Variants in KIAA0232 observed in about 807,000 individuals in gnomAD.
KIAA0232 encodes the protein uncharacterized protein KIAA0232.
Under a neutral mutation model 122.0 loss-of-function variants are expected in KIAA0232, and 27 were observed. That is an observed-to-expected ratio of 0.22 (90% CI 0.16 to 0.31). KIAA0232 has a LOEUF of 0.31. Ranked by LOEUF, KIAA0232 falls within the 10% of genes least tolerant of loss-of-function variation. The probability of loss-of-function intolerance (pLI) is 1.00; values close to 1 mark genes in which losing one functional copy is unlikely to be tolerated. For synonymous variants in KIAA0232, 613 were observed against 587.6 expected (o/e 1.04, Z -0.63); for missense variants, 1,551 against 1,634.2 (o/e 0.95, Z 0.88).
chr4:6,818,709 G>GAA (rs113046859), intron 2 of KIAA0232, among the ~76,000 whole-genome samples: 6 of 137,232 alleles, frequency 4.4e-5, no homozygotes, highest in African/African-American at 1.1e-4. Flanking sequence ...CACAGAACTG[G>GAA]AAAAAAAAAA....
chr4:6,821,686 ATG>A (rs55875976), intron 2 of KIAA0232, among the ~76,000 whole-genome samples: 111,881 of 149,964 alleles, frequency 0.75, 42,499 homozygotes, highest in Non-Finnish European at 0.83. Flanking sequence ...ACATGTATAT[ATG>A]TGTGTGTGTG....
chr4:6,836,311 G>A (rs1005195379), intron 3 of KIAA0232, among the ~76,000 whole-genome samples: 1 of 151,520 alleles, frequency 6.6e-6, no homozygotes, highest in South Asian at 2.1e-4. Context: ...CTTTTTGATG[G>A]GGTTGTTTGT....
chr4:6,794,180 C>T (rs889607436), intron 1 of KIAA0232, among the ~76,000 whole-genome samples: 11 of 152,200 alleles, frequency 7.2e-5, no homozygotes, highest in Admixed American at 5.9e-4. Context: ...TAGGAACAGC[C>T]TCAGGTCACT....
intron 2 of KIAA0232, among the ~76,000 whole-genome samples, chr4:6,822,136 C>T (rs535591325): frequency 3.9e-5 from 6 of 152,028 alleles, no homozygotes; most frequent in Non-Finnish European, 7.4e-5. Context: ...ATATCTCTGG[C>T]ATCCTGAGAT....
At chr4:6,859,990 C>A (rs778949850) in intron 6 of KIAA0232, among the ~76,000 whole-genome samples, 5 of 152,164 alleles carry the variant, frequency 3.3e-5, no homozygotes, top group Admixed American at 1.3e-4. Flanking sequence ...GTCTTGGTGT[C>A]CTCACACAGG....
intron 3 of KIAA0232, among the ~76,000 whole-genome samples, chr4:6,828,690 A>G (rs1047933164): frequency 3.3e-5 from 5 of 152,176 alleles, no homozygotes; most frequent in African/African-American, 1.2e-4. Flanking sequence ...TATTAGCTGT[A>G]GTCTCCCTAC....
chr4:6,803,023 A>AG (rs1196719851), intron 1 of KIAA0232, among the ~76,000 whole-genome samples: 1 of 143,048 alleles, frequency 7.0e-6, no homozygotes, highest in East Asian at 2.3e-4. Flanking sequence ...AAAAAAAAAA[A>AG]AAAAAAAAAA....
chr4:6,861,385 T>C lies in KIAA0232; in HGVS notation c.1003T>C (p.Ser335Pro), dbSNP rs1258687859. The C allele has an allele frequency of 6.2e-7, 1 of 1,614,150 alleles. No individual in the cohort carries two copies. Among genetic ancestry groups the C allele is most frequent in the South Asian group, 1.1e-5 (1 of 91,084 alleles). Residue 335 changes from serine to proline, a missense_variant, in exon 7 of 10, where the codon TCT becomes CCT. Around this residue, in one of 5 missense-constraint regions of KIAA0232, gnomAD observed 377 missense variants for 381.7 expected, o/e 0.99. Coordinates refer to ENST00000307659, the MANE Select transcript of KIAA0232 (RefSeq NM_014743.3). ...AGGGCGGAATGGGCAAAGCAGGCTTTCTTTGAAGCACGGTGAAAAGGCTGA... is the reference window on the plus strand; with the variant it reads ...AGGGCGGAATGGGCAAAGCAGGCTTCCTTTGAAGCACGGTGAAAAGGCTGA... ...KKGRNGQSRL[S>P]LKHGEKAERN...
At chr4:6,820,648 A>G (rs1455804615) in intron 2 of KIAA0232, among the ~76,000 whole-genome samples, 1 of 151,948 alleles carries the variant, frequency 6.6e-6, no homozygotes, top group Non-Finnish European at 1.5e-5. Flanking sequence ...ATGTTATTAA[A>G]TAAAAGCTCT....
At chr4:6,817,942 T>A (rs1314327960) in intron 2 of KIAA0232, among the ~76,000 whole-genome samples, 2 of 152,196 alleles carry the variant, frequency 1.3e-5, no homozygotes, top group South Asian at 4.2e-4. Context: ...TCTGTTAGTA[T>A]TTTTTGCGCC....
Position 6,860,961 on chromosome 4 carries a change from T to A in KIAA0232, c.579T>A (p.Thr193=). ...EKPVCLQEIM[T]VWNKSKVCSY... ...CAGTTTGCCTGCAAGAAATCATGAC[T>A]GTGTGGAACAAGTCTAAAGTCTGTT... is the stretch of plus-strand genomic sequence containing the variant. The change falls in exon 7 of 10, where the codon ACT becomes ACA. Residue 193 remains threonine, a synonymous_variant. Transcript: ENST00000307659. The A allele has an allele frequency of 1.2e-6, 2 of 1,614,160 alleles. No individual in the cohort carries two copies. Among genetic ancestry groups the A allele is most frequent in the Admixed American group, 1.7e-5 (1 of 60,012 alleles).
At chr4:6,838,545 C>G (rs944595776) in intron 3 of KIAA0232, among the ~76,000 whole-genome samples, 2 of 152,038 alleles carry the variant, frequency 1.3e-5, no homozygotes, top group African/African-American at 2.4e-5. Flanking sequence ...TATTCTAGGT[C>G]TGACTGTTAC....
chr4:6,845,752 C>G (rs529955658), intron 4 of KIAA0232, among the ~76,000 whole-genome samples: 7 of 152,214 alleles, frequency 4.6e-5, no homozygotes, highest in Admixed American at 2.6e-4. Context: ...AGAAATGAGC[C>G]TAGCCTTTGA....
chr4:6,828,325 G>A (rs762285962), intron 3 of KIAA0232, among the ~76,000 whole-genome samples: 70 of 152,222 alleles, frequency 4.6e-4, no homozygotes, highest in African/African-American at 1.5e-3. Context: ...AGTGAGCAGC[G>A]ATCATGACGC....
At chr4:6,878,375 T>G (rs77402505) in intron 9 of KIAA0232, among the ~76,000 whole-genome samples, 1 of 56,906 alleles carries the variant, frequency 1.8e-5, no homozygotes, top group Non-Finnish European at 4.6e-5. Context: ...ACTCCATCAT[T>G]CATTCATACA....
chr4:6,861,890 T>C lies in KIAA0232; in HGVS notation c.1508T>C (p.Leu503Pro), dbSNP rs1720889930. The change falls in exon 7 of 10, where the codon CTA becomes CCA. Residue 503 changes from leucine to proline, a missense_variant. By Grantham distance (98) the Leu-to-Pro change is moderately conservative. This residue lies in a region of KIAA0232 where 1,108 missense variants were observed against 1,154.8 expected (regional missense o/e 0.96). Coordinates refer to ENST00000307659, the MANE Select transcript of KIAA0232 (RefSeq NM_014743.3). ...EDNKYLDDIHLSELTHFYEVD... is the reference protein window; with the variant it reads ...EDNKYLDDIHPSELTHFYEVD... Reference sequence around the variant, plus strand: ...AATAAATACCTGGATGATATTCATCTATCAGAATTAACGCACTTCTATGAA... The same window carrying C: ...AATAAATACCTGGATGATATTCATCCATCAGAATTAACGCACTTCTATGAA... The C allele has an allele frequency of 6.2e-7, 1 of 1,614,126 alleles. No homozygotes were observed. Among genetic ancestry groups the C allele is most frequent in the East Asian group, 2.2e-5 (1 of 44,884 alleles).
intron 1 of KIAA0232, among the ~76,000 whole-genome samples, chr4:6,793,756 C>T (rs757515078): frequency 4.6e-5 from 7 of 152,036 alleles, no homozygotes; most frequent in Non-Finnish European, 8.8e-5. Context: ...TCTGTTAGGG[C>T]GTTGTGTTAG....
chr4:6,800,183 G>A (rs1309031788), intron 1 of KIAA0232, among the ~76,000 whole-genome samples: 8 of 141,244 alleles, frequency 5.7e-5, no homozygotes, highest in Non-Finnish European at 1.1e-4. Context: ...TCAGCCTCCC[G>A]AGTAGCTAGT....
At chr4:6,864,505 G>A (rs536221321) in intron 7 of KIAA0232, among the ~76,000 whole-genome samples, 191 of 152,140 alleles carry the variant, frequency 1.3e-3, no homozygotes, top group South Asian at 4.2e-3. Context: ...TTGGGAGGCC[G>A]AAGTGGGTAG....
Sources: gnomAD v4.1 joint callset for allele counts (sites outside exome capture counted in the v4.1 genomes callset) on GRCh38, gnomAD v4.1.1 for gene constraint, gnomAD v4.1.1 regional missense constraint, MANE v1.5 for transcripts, NCBI Gene and HGNC (gene_info 2026-07-23, HGNC 2026-07-21) for gene names.